CPE: variants seen among roughly 807,000 people sequenced by gnomAD.
The protein encoded by CPE is carboxypeptidase E.
CPE carries 17 observed loss-of-function variants against 53.5 expected under a neutral mutation model. The ratio of observed to expected loss-of-function variants is 0.32; its 90% CI spans 0.22 to 0.48. The LOEUF is 0.48. Among genes scored for constraint, CPE ranks in the 20% least tolerant of loss-of-function variants. CPE has a pLI of 0.99. For synonymous variants in CPE, 226 were observed against 228.8 expected (o/e 0.99, Z 0.11); for missense variants, 524 against 614.7 (o/e 0.85, Z 1.56).
At chr4:165,397,344 A>T (rs537320727) in intron 1 of CPE, among the ~76,000 whole-genome samples, 1 of 152,344 alleles carries the variant, frequency 6.6e-6, no homozygotes, top group African/African-American at 2.4e-5. Context: ...TAGGAAACTG[A>T]GGCCCAAAGA....
chr4:165,383,740 G>A (rs373111563), intron 1 of CPE, among the ~76,000 whole-genome samples: 3 of 152,158 alleles, frequency 2.0e-5, no homozygotes, highest in African/African-American at 7.2e-5. Context: ...AATAAGTGGG[G>A]ATTTTTATTA....
chr4:165,485,767 G>A (rs76294586), intron 5 of CPE, among the ~76,000 whole-genome samples: 4,877 of 152,098 alleles, frequency 0.032, 243 homozygotes, highest in African/African-American at 0.11. Flanking sequence ...ATTACGTCTC[G>A]CTTAACTAAA....
intron 1 of CPE, among the ~76,000 whole-genome samples, chr4:165,380,286 A>G (rs1353860510): frequency 2.6e-5 from 4 of 152,086 alleles, no homozygotes; most frequent in African/African-American, 9.7e-5. Context: ...GGAGTATTCC[A>G]TTTTCTCTGC....
intron 1 of CPE, among the ~76,000 whole-genome samples, chr4:165,387,137 G>A (rs191621754): frequency 2.5e-4 from 38 of 152,218 alleles, no homozygotes; most frequent in Non-Finnish European, 2.4e-4. Flanking sequence ...AATAAAACAT[G>A]GCCTAAGAGA....
chr4:165,404,895 T>C (rs1410339483), intron 1 of CPE: 10 of 761,980 alleles, frequency 1.3e-5, no homozygotes, highest in Admixed American at 3.4e-5. Context: ...GGTCTTTTGC[T>C]GACAGCAGCG....
Position 165,379,200 on chromosome 4 carries a change from C to T in CPE, c.-22C>T. 8.2e-7 allele frequency: 1 copy of T among 1,223,976 alleles called. No homozygotes were observed. The highest frequency in any genetic ancestry group is 1.0e-6 in the Non-Finnish European group (1 of 984,636). 75.8% of individuals were successfully genotyped at this position (1,223,976 alleles called of 1,614,324 possible). A position where few individuals can be genotyped will look rare whatever the true frequency, so the allele number is the denominator to read the frequency against. On this transcript the variant is annotated 5_prime_UTR_variant, in exon 1 of 9. Coordinates refer to ENST00000402744, the MANE Select transcript of CPE (RefSeq NM_001873.4). The surrounding 1 kb of genome is among the most constrained non-coding windows in gnomAD (Gnocchi z 6.0). ...AGGCCGCCCGCGTAGGAAGGCACGG[C>T]CGGCGGCGGCGGAGCGCAGCGATGG...
chr4:165,432,187 T>A (rs1731419702), intron 1 of CPE, among the ~76,000 whole-genome samples: 1 of 152,200 alleles, frequency 6.6e-6, no homozygotes, highest in South Asian at 2.1e-4. Context: ...CATACCATGT[T>A]TTGTGAGCAT....
intron 1 of CPE, among the ~76,000 whole-genome samples, chr4:165,429,255 G>A (rs1228304501): frequency 1.3e-5 from 2 of 152,130 alleles, no homozygotes; most frequent in African/African-American, 2.4e-5. Context: ...GGTACTAGTT[G>A]TCAGCCAGGC....
chr4:165,389,776 T>C (rs528822173), intron 1 of CPE, among the ~76,000 whole-genome samples: 10 of 152,350 alleles, frequency 6.6e-5, no homozygotes, highest in African/African-American at 2.4e-4. Context: ...TAGTGAAAAT[T>C]AGAATTTCAA....
intron 6 of CPE, among the ~76,000 whole-genome samples, chr4:165,488,256 G>C (rs1732542506): frequency 2.6e-5 from 4 of 152,192 alleles, no homozygotes; most frequent in Admixed American, 2.0e-4. Flanking sequence ...CAGCTCACCT[G>C]AAGTTGCTTA....
chr4:165,385,277 A>G (rs1730572155), intron 1 of CPE, among the ~76,000 whole-genome samples: 1 of 152,254 alleles, frequency 6.6e-6, no homozygotes. Context: ...CATGGCCTTT[A>G]CACTCATTTA....
intron 1 of CPE, among the ~76,000 whole-genome samples, chr4:165,428,121 C>G (rs1731352740): frequency 6.6e-6 from 1 of 152,188 alleles, no homozygotes; most frequent in Non-Finnish European, 1.5e-5. Context: ...CCTCAAACTT[C>G]TAGGCTCAAG....
chr4:165,433,740 A>G (rs1376585058), intron 1 of CPE, among the ~76,000 whole-genome samples: 9 of 152,196 alleles, frequency 5.9e-5, no homozygotes, highest in Non-Finnish European at 1.2e-4. Context: ...GTTTGCTGAG[A>G]GTCCTTGGTC....
Position 165,405,665 on chromosome 4 carries a change from A to T in CPE, c.307+26137A>T, listed in dbSNP as rs10028540. On this transcript the variant is annotated intron_variant, in intron 1 of 8. Coordinates refer to ENST00000402744, the MANE Select transcript of CPE (RefSeq NM_001873.4). ...ACTTCTTCTAGGTATTTGATTGTCC[A>T]TTCCTCTGGAAGTTTTAGTCCTGGT... The T allele has an allele frequency of 8.9e-6, 7 of 782,200 alleles. No individual in the cohort carries two copies. The South Asian group carries it at 9.3e-5, about 10-fold the overall frequency. 48.5% of individuals were successfully genotyped at this position (782,200 alleles called of 1,614,324 possible).
At position 165,379,608 on chromosome 4, in the gene CPE, AGGAG is replaced by A; in HGVS notation, c.307+88_307+91del. ...GGGTGGGACTGGTGGCGGTGGGGGAAGGAGGGAGGGATGGGCCCAGGGGTGCCTC... is the reference window on the plus strand; with the variant it reads ...GGGTGGGACTGGTGGCGGTGGGGGAAGGAGGGATGGGCCCAGGGGTGCCTC... On this transcript the variant is annotated intron_variant, in intron 1 of 8. Coordinates refer to ENST00000402744, the MANE Select transcript of CPE (RefSeq NM_001873.4). The surrounding 1 kb of genome is among the most constrained non-coding windows in gnomAD (Gnocchi z 6.0). 3.1e-6 allele frequency: 1 copy of A among 324,656 alleles called. No individual in the cohort carries two copies. Among genetic ancestry groups the A allele is most frequent in the Non-Finnish European group, 5.9e-6 (1 of 168,606 alleles). 20.1% of individuals were successfully genotyped at this position (324,656 alleles called of 1,614,324 possible). A position where few individuals can be genotyped will look rare whatever the true frequency, so the allele number is the denominator to read the frequency against.
chr4:165,463,023 G>T (rs1295585463), intron 1 of CPE, among the ~76,000 whole-genome samples: 2 of 152,168 alleles, frequency 1.3e-5, no homozygotes, highest in South Asian at 2.1e-4. Flanking sequence ...TGGGATGGAT[G>T]AAGCAGAAAC....
intron 1 of CPE, among the ~76,000 whole-genome samples, chr4:165,454,820 T>G (rs888936991): frequency 2.0e-5 from 3 of 152,234 alleles, no homozygotes; most frequent in Admixed American, 2.0e-4. Context: ...AACCATGATT[T>G]GTATAGGACA....
chr4:165,484,012 T>C (rs950944686), intron 4 of CPE, among the ~76,000 whole-genome samples: 2 of 152,138 alleles, frequency 1.3e-5, no homozygotes, highest in Admixed American at 6.5e-5. Context: ...ACAGGAGATT[T>C]AAAAAATATA....
At chr4:165,459,700 G>C (rs1027651806) in intron 1 of CPE, among the ~76,000 whole-genome samples, 1 of 132,510 alleles carries the variant, frequency 7.5e-6, no homozygotes, top group Admixed American at 7.5e-5. Context: ...AGATCATGAG[G>C]TCAGGAGGAG....
Sources: gnomAD v4.1 joint callset for allele counts (sites outside exome capture counted in the v4.1 genomes callset) on GRCh38, gnomAD v4.1.1 for gene constraint, Gnocchi (gnomAD v3.1) non-coding constraint, MANE v1.5 for transcripts, NCBI Gene and HGNC (gene_info 2026-07-23, HGNC 2026-07-21) for gene names.